Variants in HCFC1 observed in about 807,000 individuals in gnomAD.
HCFC1 encodes host cell factor C1.
Under a neutral mutation model 105.5 loss-of-function variants are expected in HCFC1, and 7 were observed. The ratio of observed to expected loss-of-function variants is 0.07; its 90% CI spans 0.04 to 0.12. The LOEUF is 0.12. Ranked by LOEUF, HCFC1 falls within the 10% of genes least tolerant of loss-of-function variation. The pLI, the probability that HCFC1 is intolerant of heterozygous loss-of-function variation, is 1.00. For missense variants in HCFC1, 1,065 were observed against 1,823.6 expected, an observed-to-expected ratio of 0.58 and a Z score of 7.58; for synonymous variants, 918 against 828.1, an observed-to-expected ratio of 1.11 and a Z score of -1.86.
At position 153,955,101 on chromosome X, in the gene HCFC1, C is replaced by A. The variant is rs782056051; in HGVS notation, c.3298G>T (p.Gly1100Trp). Residue 1100 changes from glycine to tryptophan, a missense_variant, in exon 17 of 26, where the codon GGG becomes TGG. Physicochemically the swap from Gly to Trp is radical, Grantham distance 184 (BLOSUM62 -2). Around this residue, in one of 17 missense-constraint regions of HCFC1, gnomAD observed 546 missense variants for 599.9 expected, o/e 0.91. Coordinates refer to ENST00000310441, the MANE Select transcript of HCFC1 (RefSeq NM_005334.3). ...GGTGGGTTTGAGCAGCCATGCTGCC[C>A]GGCCATGTTGGAGGTGGCGGTGGTG... is the stretch of plus-strand genomic sequence containing the variant. The part of the protein sequence containing the change: ...TATTATSNMA[G>W]QHGCSNPPCE... 8.3e-7 allele frequency: 1 copy of A among 1,207,583 alleles called. No individual in the cohort carries two copies. Among genetic ancestry groups the A allele is most frequent in the African/African-American group, 1.8e-5 (1 of 56,735 alleles).
At chrX:153,950,700 A>C (rs972253731) in intron 23 of HCFC1, 113 bp downstream of exon 23, 2 of 911,252 alleles carry the variant, frequency 2.2e-6, no homozygotes, top group African/African-American at 4.0e-5. Flanking sequence ...GGAAGGACTA[A>C]GACAAACTGG....
chrX:153,958,390 GTTCCCCC>G lies in HCFC1; in HGVS notation c.1804-148_1804-142del, dbSNP rs1239448201. 1.3e-5 allele frequency: 9 copies of G among 678,746 alleles called. No homozygotes were observed. In the Admixed American group the frequency reaches 1.7e-4, roughly 13 times the overall value. 55.9% of individuals were successfully genotyped at this position (678,746 alleles called of 1,213,427 possible). ...TGCTCCCAAGCCCAAGAACAGCTTG[GTTCCCCC>G]TTCCTTTAACAGGCAAGGGAGGAGG... On this transcript the variant is annotated intron_variant, in intron 10 of 25. Coordinates refer to ENST00000310441, the MANE Select transcript of HCFC1 (RefSeq NM_005334.3).
At position 153,952,575 on chromosome X, in the gene HCFC1, C is replaced by A; in HGVS notation, c.4881G>T (p.Thr1627=). ...AAEAAAQAAA[T]EEAQALAIQA... ...GGATGGCCAGGGCCTGGGCTTCCTC[C>A]GTGGCTGCGGCCTGGGCAGCTGCTT... is the stretch of plus-strand genomic sequence containing the variant. Residue 1627 remains threonine, a synonymous_variant, in exon 19 of 26, where the codon ACG becomes ACT. Transcript: ENST00000310441. 1 of 1,199,997 alleles carries A rather than the reference C, an allele frequency of 8.3e-7. No individual in the cohort carries two copies. The highest frequency in any genetic ancestry group is 1.8e-5 in the South Asian group (1 of 55,288).
intron 5 of HCFC1, among the ~76,000 whole-genome samples, 131 bp downstream of exon 5, chrX:153,962,066 GGTCGTAATGGAAAAACAGGGCTGCC>G (rs1406355743): frequency 9.0e-6 from 1 of 111,502 alleles, no homozygotes; most frequent in East Asian, 2.8e-4. Context: ...GGTCCCCCAG[GGTCGTAATGGAAAAACAGGGCTGCC>G]AAATGCCAGC....
chrX:153,963,509 G>A (rs1194101992), intron 3 of HCFC1, 76 bp from the exon 4 acceptor site: 1 of 694,585 alleles, frequency 1.4e-6, no homozygotes, highest in African/African-American at 2.1e-5. Flanking sequence ...ATCAGTGAGT[G>A]GCAGCCTCCC....
At position 153,971,560 on chromosome X, in the gene HCFC1, A is replaced by G; in HGVS notation, c.-720T>C. Reference sequence around the variant, plus strand: ...TCCCCTTAGTCCGCCTCTGCTGCTCAGGCTGCGCCTGCCGCCGTGGGAGCC... The same window carrying G: ...TCCCCTTAGTCCGCCTCTGCTGCTCGGGCTGCGCCTGCCGCCGTGGGAGCC... On this transcript the variant is annotated 5_prime_UTR_variant, in exon 1 of 26. An upstream open reading frame in the 5' UTR loses its in-frame stop. Transcript: ENST00000310441. 1 of 293,546 alleles carries G rather than the reference A, an allele frequency of 3.4e-6. No homozygotes were observed. The highest frequency in any genetic ancestry group is 2.7e-5 in the African/African-American group (1 of 36,590). 24.2% of individuals were successfully genotyped at this position (293,546 alleles called of 1,213,427 possible).
Position 153,958,578 on chromosome X carries a change from CGAG to C in HCFC1, c.1791_1793del (p.Ser598del). The C allele has an allele frequency of 3.3e-6, 4 of 1,197,953 alleles. No individual in the cohort carries two copies. The highest frequency in any genetic ancestry group is 4.5e-6 in the Non-Finnish European group (4 of 887,138). On this transcript the variant is annotated inframe_deletion, in exon 10 of 26. Coordinates refer to ENST00000310441, the MANE Select transcript of HCFC1 (RefSeq NM_005334.3). ...CCCGGAAGACGCTCACCATGACTGG[CGAG>C]GAGGCCACCTTCACAGTGGCTGGGA...
Position 153,957,453 on chromosome X carries a change from G to T in HCFC1, c.2214C>A (p.Thr738=). ...ADGKPTTIIT[T]TQASGAGTKP... is the part of the protein sequence containing the mutation. ...TGGTCCCCGCCCCACTGGCCTGCGT[G>T]GTAGTGATGATGGTGGTGGGCTTGC... Residue 738 remains threonine (T), a synonymous_variant, in exon 13 of 26, where the codon ACC becomes ACA. Coordinates refer to ENST00000310441, the MANE Select transcript of HCFC1 (RefSeq NM_005334.3). The T allele has an allele frequency of 8.3e-7, 1 of 1,211,234 alleles. No homozygotes were observed. Among genetic ancestry groups the T allele is most frequent in the Non-Finnish European group, 1.1e-6 (1 of 894,865 alleles).
rs781836441 is a variant in HCFC1, at chrX:153,964,677, C to T, written c.243G>A (p.Gly81=). 2 of 1,196,516 alleles carry T rather than the reference C, an allele frequency of 1.7e-6. No individual in the cohort carries two copies. Among genetic ancestry groups the T allele is most frequent in the Admixed American group, 4.5e-5 (2 of 44,540 alleles). The part of the protein sequence containing the change: ...IPAVRGDIPP[G]CAAYGFVCDG... ...CACACACGAAGCCATAGGCTGCACA[C>T]CCAGGGGGAATGTCCCCCCTCACGG... Residue 81 remains glycine (G), a synonymous_variant, in exon 2 of 26, where the codon GGG becomes GGA. Transcript: ENST00000310441.
rs1557113091 is a variant in HCFC1 at position 153,952,925 on chromosome X, G to A, written c.4531C>T (p.Arg1511Cys). ...AGCTGCCGTGGCGGCAGCTGCTGGC[G>A]AGGACCTGGCGACACCTGGAGTTCC... ...PEELQVSPGP[R>C]QQLPPRQLLQ... Residue 1511 changes from arginine (R) to cysteine (C), a missense_variant, in exon 19 of 26, where the codon CGC becomes TGC. By Grantham distance (180) the Arg-to-Cys change is radical (BLOSUM62 -3). Around this residue, in one of 17 missense-constraint regions of HCFC1, gnomAD observed 546 missense variants for 599.9 expected, o/e 0.91. Transcript: ENST00000310441. 1.7e-6 allele frequency: 2 copies of A among 1,177,576 alleles called. No homozygotes were observed. The highest frequency in any genetic ancestry group is 1.9e-5 in the South Asian group (1 of 53,665).
rs782502571 is a variant in HCFC1 at position 153,953,714 on chromosome X, C to T, written c.4390G>A (p.Val1464Met). Residue 1464 changes from valine to methionine, a missense_variant, in exon 18 of 26, where the codon GTG (valine) becomes ATG (methionine). Physicochemically the swap from Val to Met is conservative, Grantham distance 21 (BLOSUM62 1). Around this residue, in one of 17 missense-constraint regions of HCFC1, gnomAD observed 546 missense variants for 599.9 expected, o/e 0.91. Coordinates refer to ENST00000310441, the MANE Select transcript of HCFC1 (RefSeq NM_005334.3). ...GEVESTQGDS[V>M]NITSSSAITT... The stretch of plus-strand genomic sequence containing the variant: ...ATGGCACTGGAGCTGGTGATGTTCA[C>T]GCTGTCGCCCTGGGTGCTCTCCACC... The T allele has an allele frequency of 3.1e-5, 37 of 1,210,469 alleles. No homozygotes were observed. Among genetic ancestry groups the T allele is most frequent in the Non-Finnish European group, 3.9e-5 (35 of 894,920 alleles).
At chrX:153,957,103 GGCTGCCCCT>G (rs1557115247) in intron 13 of HCFC1, 43 bp from the exon 14 acceptor site, 22 of 1,178,402 alleles carry the variant, frequency 1.9e-5, no homozygotes, top group African/African-American at 8.7e-5. Context: ...GCTCTGTGAG[GGCTGCCCCT>G]GCTGCCCCTA....
rs781949446 is a variant in HCFC1, at chrX:153,954,507, C to T, written c.3892G>A (p.Glu1298Lys). 1.5e-5 allele frequency: 18 copies of T among 1,210,216 alleles called. No individual in the cohort carries two copies. The Admixed American group carries it at 3.0e-4, about 20-fold the overall frequency. Residue 1298 changes from glutamate (E) to lysine (K), a missense_variant, in exon 17 of 26, where the codon GAG becomes AAG. By Grantham distance (56) the Glu-to-Lys change is moderately conservative. Coordinates refer to ENST00000310441, the MANE Select transcript of HCFC1 (RefSeq NM_005334.3). ...VCSNPPCETHETGTTNTATTS... is the reference protein window; with the variant it reads ...VCSNPPCETHKTGTTNTATTS... ...GTGGCGGTGTTGGTGGTGCCTGTCT[C>T]GTGGGTCTCACATGGTGGGTTGGAG...
chrX:153,971,678 C>T lies in HCFC1; in HGVS notation c.-838G>A. The stretch of plus-strand genomic sequence containing the variant: ...ACCAAACTCAAGGCGGTGTCCGATC[C>T]TCACTTCCCGCCTTATGACTCCTTC... On this transcript the variant is annotated 5_prime_UTR_variant, in exon 1 of 26. Transcript: ENST00000310441. The T allele has an allele frequency of 3.4e-6, 1 of 297,883 alleles. No individual in the cohort carries two copies. The highest frequency in any genetic ancestry group is 4.7e-5 in the East Asian group (1 of 21,078). 24.5% of individuals were successfully genotyped at this position (297,883 alleles called of 1,213,427 possible). A position where few individuals can be genotyped will look rare whatever the true frequency, so the allele number is the denominator to read the frequency against.
At chrX:153,965,839 G>A (rs1287085024) in intron 1 of HCFC1, among the ~76,000 whole-genome samples, 1 of 112,548 alleles carries the variant, frequency 8.9e-6, no homozygotes, top group East Asian at 2.8e-4. Flanking sequence ...CATAGAAGAG[G>A]AAAAACAGTG....
chrX:153,952,660 G>A lies in HCFC1; in HGVS notation c.4796C>T (p.Thr1599Ile), dbSNP rs1557112924. Residue 1599 changes from threonine to isoleucine, a missense_variant, in exon 19 of 26, where the codon ACC (threonine) becomes ATC (isoleucine). Thr to Ile is a moderately conservative substitution (Grantham distance 89). Around this residue, in one of 17 missense-constraint regions of HCFC1, gnomAD observed 546 missense variants for 599.9 expected, o/e 0.91. Coordinates refer to ENST00000310441, the MANE Select transcript of HCFC1 (RefSeq NM_005334.3). ...GAGCCCCGTTACCATGAGGGTGGTG[G>A]TGCCAGCTTGGGCCTCGGCCATTAG... ...QELMAEAQAG[T>I]TTLMVTGLTP... The A allele has an allele frequency of 8.3e-7, 1 of 1,211,341 alleles. No individual in the cohort carries two copies. The highest frequency in any genetic ancestry group is 2.2e-5 in the Admixed American group (1 of 46,166).
intron 5 of HCFC1, among the ~76,000 whole-genome samples, chrX:153,961,874 T>C (rs192081701): frequency 4.6e-4 from 52 of 111,953 alleles, no homozygotes; most frequent in Non-Finnish European, 9.0e-4. Context: ...CATCTAAAGC[T>C]CACCTTCATG....
In HCFC1 at chrX:153,952,738, T is replaced by C. The variant is rs782490573; in HGVS notation, c.4718A>G (p.Gln1573Arg). Residue 1573 changes from glutamine to arginine, a missense_variant, in exon 19 of 26, where the codon CAG (glutamine) becomes CGG (arginine). Around this residue, in one of 17 missense-constraint regions of HCFC1, gnomAD observed 546 missense variants for 599.9 expected, o/e 0.91. Transcript: ENST00000310441. ...GSAVVATVVV[Q>R]PPPPTQSEVD... ...TTCGGACTGTGTGGGTGGGGGTGGCTGGACCACCACAGTGGCCACCACCGC... is the reference window on the plus strand; with the variant it reads ...TTCGGACTGTGTGGGTGGGGGTGGCCGGACCACCACAGTGGCCACCACCGC... 1 of 1,208,027 alleles carries C rather than the reference T, an allele frequency of 8.3e-7. No individual in the cohort carries two copies. The highest frequency in any genetic ancestry group is 2.2e-5 in the Admixed American group (1 of 46,066).
In HCFC1 at chrX:153,948,988, C is replaced by CCTCAGGCA. The variant is rs1450830276; in HGVS notation, c.*358_*359insTGCCTGAG. ...GGGACGCCTTTCCTCCCCTCCATGC[C>CCTCAGGCA]TGCCCCCGACCTGGCCCTCAGGAAC... On this transcript the variant is annotated 3_prime_UTR_variant, in exon 26 of 26. Coordinates refer to ENST00000310441, the MANE Select transcript of HCFC1 (RefSeq NM_005334.3). The CCTCAGGCA allele has an allele frequency of 1.5e-5, 2 of 134,390 alleles. No homozygotes were observed. The highest frequency in any genetic ancestry group is 2.8e-5 in the Non-Finnish European group (2 of 70,828). The allele number at this position is 134,390 out of a possible 1,213,427, so 11.1% of individuals were successfully genotyped here.
Sources: gnomAD v4.1 joint callset for allele counts (sites outside exome capture counted in the v4.1 genomes callset) on GRCh38, gnomAD v4.1.1 for gene constraint, gnomAD v4.1.1 regional missense constraint, MANE v1.5 for transcripts, NCBI Gene and HGNC (gene_info 2026-07-23, HGNC 2026-07-21) for gene names.